CELF4: variants seen among roughly 807,000 people sequenced by gnomAD.
The protein encoded by CELF4 is CUGBP Elav-like family member 4.
In CELF4, 18 loss-of-function variants were observed where a neutral mutation model predicts 59.9. The observed-to-expected ratio is 0.30, with a 90% CI of 0.21 to 0.45. The LOEUF is 0.45. Ranked by LOEUF, CELF4 falls within the 20% of genes least tolerant of loss-of-function variation. The probability of loss-of-function intolerance (pLI) is 1.00; values close to 1 mark genes in which losing one functional copy is unlikely to be tolerated. For synonymous variants in CELF4, 261 were observed against 267.1 expected (o/e 0.98, Z 0.22); for missense variants, 456 against 689.0 (o/e 0.66, Z 3.79).
rs1020631189 is a variant in CELF4, at chr18:37,549,010, G to A, written c.286+16346C>T. Among the ~76,000 whole-genome samples the A allele has an allele frequency of 3.3e-5, 5 of 152,338 alleles. No individual in the cohort carries two copies. The South Asian group carries it at 6.2e-4, about 19-fold the overall frequency. Reference sequence around the variant, plus strand: ...TGCGGACCGTCCACCGAACAGATGCGTGGAAACAGCCCTCCCCTCAGGAAT... The same window carrying A: ...TGCGGACCGTCCACCGAACAGATGCATGGAAACAGCCCTCCCCTCAGGAAT... On this transcript the variant is annotated intron_variant, in intron 1 of 12. Transcript: ENST00000420428.
At chr18:37,269,226 A>G (rs2089942424) in intron 8 of CELF4, among the ~76,000 whole-genome samples, 2 of 151,944 alleles carry the variant, frequency 1.3e-5, no homozygotes, top group Admixed American at 1.3e-4. Flanking sequence ...ACTCCAGATC[A>G]TTAGAGCCTC....
At chr18:37,387,817 C>T (rs2099115334) in intron 2 of CELF4, among the ~76,000 whole-genome samples, 1 of 152,166 alleles carries the variant, frequency 6.6e-6, no homozygotes, top group African/African-American at 2.4e-5. Flanking sequence ...GGTGCTGGCC[C>T]ACAGCATCCC....
rs181694853 is a variant in CELF4 at position 37,343,560 on chromosome 18, A to C, written c.370-21679T>G. Among the ~76,000 whole-genome samples, 7 of 151,910 alleles carry C rather than the reference A, an allele frequency of 4.6e-5. No homozygotes were observed. The South Asian group carries it at 1.5e-3, about 32-fold the overall frequency. Reference sequence around the variant, plus strand: ...CCCCACCTCCCATCCCACCCCTGGTATATGTGGTGCATATGTGTGTATATG... The same window carrying C: ...CCCCACCTCCCATCCCACCCCTGGTCTATGTGGTGCATATGTGTGTATATG... On this transcript the variant is annotated intron_variant, in intron 2 of 12. Transcript: ENST00000420428.
At chr18:37,428,171 A>G (rs1006291925) in intron 2 of CELF4, among the ~76,000 whole-genome samples, 1 of 152,242 alleles carries the variant, frequency 6.6e-6, no homozygotes, top group African/African-American at 2.4e-5. Context: ...GTAGATGTCA[A>G]TATTTGAAAA....
chr18:37,375,277 G>C (rs904977155), intron 2 of CELF4, among the ~76,000 whole-genome samples: 3 of 152,172 alleles, frequency 2.0e-5, no homozygotes, highest in South Asian at 4.1e-4. Context: ...TGTTGGGAGG[G>C]GGGCATTTAC....
chr18:37,413,992 C>T (rs1395966708), intron 2 of CELF4, among the ~76,000 whole-genome samples: 3 of 152,180 alleles, frequency 2.0e-5, no homozygotes, highest in African/African-American at 4.8e-5. Flanking sequence ...ATGTCATGAT[C>T]TCCACTCTCC....
chr18:37,277,330 C>T (rs1347710950), intron 3 of CELF4, among the ~76,000 whole-genome samples: 2 of 152,242 alleles, frequency 1.3e-5, no homozygotes, highest in East Asian at 1.9e-4. Flanking sequence ...GCCCAGGCCC[C>T]ACTACCTGCC....
At chr18:37,459,843 C>G (rs547432630) in intron 2 of CELF4, among the ~76,000 whole-genome samples, 89 of 152,268 alleles carry the variant, frequency 5.8e-4, no homozygotes, top group Non-Finnish European at 2.9e-5. Context: ...ACACTCAGCC[C>G]CTAACAACAC....
chr18:37,417,752 G>C (rs556386175), intron 2 of CELF4, among the ~76,000 whole-genome samples: 54 of 152,256 alleles, frequency 3.5e-4, no homozygotes, highest in Non-Finnish European at 7.4e-4. Context: ...TTCTAATCTT[G>C]GCCAGATCCT....
chr18:37,351,318 T>C (rs946295050), intron 2 of CELF4, among the ~76,000 whole-genome samples: 1 of 152,200 alleles, frequency 6.6e-6, no homozygotes, highest in African/African-American at 2.4e-5. Flanking sequence ...ATGATTATTA[T>C]ATACATTCAT....
chr18:37,421,976 T>C (rs1010497429), intron 2 of CELF4, among the ~76,000 whole-genome samples: 1 of 152,260 alleles, frequency 6.6e-6, no homozygotes, highest in African/African-American at 2.4e-5. Context: ...AAGATATTCC[T>C]GGAGCCTTGC....
intron 2 of CELF4, among the ~76,000 whole-genome samples, chr18:37,425,247 G>A (rs761800990): frequency 1.3e-5 from 2 of 152,226 alleles, no homozygotes; most frequent in South Asian, 4.1e-4. Flanking sequence ...TACCGGCCTC[G>A]TGTGTGGGCT....
intron 3 of CELF4, among the ~76,000 whole-genome samples, chr18:37,300,677 A>G (rs2095966647): frequency 1.3e-5 from 2 of 152,232 alleles, no homozygotes; most frequent in African/African-American, 4.8e-5. Context: ...CTCATCTCTA[A>G]GTGACAAGGG....
chr18:37,306,139 GTGGGGGGCCAGGGCCTCAGGGT>G (rs992901675), intron 3 of CELF4: 2 of 152,282 alleles, frequency 1.3e-5, no homozygotes, highest in African/African-American at 2.4e-5. Context: ...CTGGGTCCTG[GTGGGGGGCCAGGGCCTCAGGGT>G]TGGGATGTGG....
intron 2 of CELF4, among the ~76,000 whole-genome samples, chr18:37,348,163 T>A (rs562566304): frequency 6.6e-6 from 1 of 152,294 alleles, no homozygotes; most frequent in East Asian, 1.9e-4. Flanking sequence ...CCTCCTTCTC[T>A]AAACAGCCTT....
rs2154238237 is a variant in CELF4 at position 37,243,869 on chromosome 18, GC to G, written c.*1372del. The G allele has an allele frequency of 5.5e-6, 1 of 181,028 alleles. No individual in the cohort carries two copies. Among genetic ancestry groups the G allele is most frequent in the South Asian group, 1.7e-4 (1 of 5,894 alleles). The allele number at this position is 181,028 out of a possible 1,614,324, so 11.2% of individuals were successfully genotyped here. ...GCGAGTGAAGCGGAAGGTGAGTGAA[GC>G]GCGCGCAGCTCCCAGAGGGAAGCGA... On this transcript the variant is annotated 3_prime_UTR_variant, in exon 13 of 13. Coordinates refer to ENST00000420428, the MANE Select transcript of CELF4 (RefSeq NM_020180.4).
At chr18:37,314,576 G>A (rs868472325) in intron 3 of CELF4, among the ~76,000 whole-genome samples, 3 of 152,206 alleles carry the variant, frequency 2.0e-5, no homozygotes, top group African/African-American at 7.2e-5. Flanking sequence ...AGGACTTGGG[G>A]AGGGTAGGGG....
At chr18:37,441,922 G>A (rs527980764) in intron 2 of CELF4, among the ~76,000 whole-genome samples, 6 of 151,048 alleles carry the variant, frequency 4.0e-5, no homozygotes, top group Admixed American at 3.3e-4. Flanking sequence ...GACACGGTGC[G>A]TCACCGAAAC....
chr18:37,385,354 C>CAAAAA lies in CELF4; in HGVS notation c.370-63478_370-63474dup, dbSNP rs34504926. Reference sequence around the variant, plus strand: ...TGGGCAACAGTGCAAGACTCCATCTCAAAAAAAAAAAAAAAAAAGAAAGAA... The same window carrying CAAAAA: ...TGGGCAACAGTGCAAGACTCCATCTCAAAAAAAAAAAAAAAAAAAAAAAGAAAGAA... On this transcript the variant is annotated intron_variant, in intron 2 of 12. Transcript: ENST00000420428. 4.4e-3 allele frequency among the ~76,000 whole-genome samples: 442 copies of CAAAAA among 100,322 alleles called. 8 individuals are homozygous for CAAAAA. The highest frequency in any genetic ancestry group is 0.015 in the African/African-American group (419 of 27,150). 65.8% of individuals were successfully genotyped at this position (100,322 alleles called of 152,430 possible).
Sources: gnomAD v4.1 joint callset for allele counts (sites outside exome capture counted in the v4.1 genomes callset) on GRCh38, gnomAD v4.1.1 for gene constraint, MANE v1.5 for transcripts, NCBI Gene and HGNC (gene_info 2026-07-23, HGNC 2026-07-21) for gene names.